The following CAMSAP3 variants were observed in gnomAD, a reference collection of about 807,000 sequenced individuals.
The protein encoded by CAMSAP3 is calmodulin regulated spectrin associated protein family member 3.
A neutral mutation model predicts 112.5 loss-of-function variants in CAMSAP3; 34 were observed. The observed-to-expected ratio is 0.30, with a 90% CI of 0.23 to 0.40. The LOEUF is 0.40. CAMSAP3 is among the 10% of genes least tolerant of loss of function. The pLI is 1.00. For missense variants in CAMSAP3, 1,602 were observed against 1,770.3 expected (o/e 0.90, Z 1.71); for synonymous variants, 868 against 799.8 (o/e 1.09, Z -1.44).
At position 7,617,486 on chromosome 19, in the gene CAMSAP3, C is replaced by T; in HGVS notation, c.3325+48C>T. 2 of 1,608,418 alleles carry T rather than the reference C, an allele frequency of 1.2e-6. No homozygotes were observed. The highest frequency in any genetic ancestry group is 1.7e-6 in the Non-Finnish European group (2 of 1,174,850). On this transcript the variant is annotated intron_variant, in intron 15 of 16. Transcript: ENST00000160298. This position sits in a 1 kb window ranked among gnomAD's most constrained non-coding sequence, Gnocchi z 7.5. Reference sequence around the variant, plus strand: ...GTGAGGAGCAACAGGCACCCTCCTCCACAGCCCCTGCTCATTCCTGCTGCC... The same window carrying T: ...GTGAGGAGCAACAGGCACCCTCCTCTACAGCCCCTGCTCATTCCTGCTGCC...
rs1168714939 is a variant in CAMSAP3 at position 7,612,668 on chromosome 19, G to A, written c.2175G>A (p.Gln725=). Reference sequence around the variant, plus strand: ...TGCAGAGGCTCACGGACCAGCAGCAGCGGCTCCTGGCCCCGCCCGAGGCCC... The same window carrying A: ...TGCAGAGGCTCACGGACCAGCAGCAACGGCTCCTGGCCCCGCCCGAGGCCC... ...RDMQRLTDQQ[Q]RLLAPPEAPG... The change falls in exon 11 of 17, where the codon CAG becomes CAA. Residue 725 remains glutamine, a synonymous_variant. Transcript: ENST00000160298. The A allele has an allele frequency of 6.6e-7, 1 of 1,512,210 alleles. No homozygotes were observed. Among genetic ancestry groups the A allele is most frequent in the African/African-American group, 1.4e-5 (1 of 72,548 alleles). 93.7% of individuals were successfully genotyped at this position (1,512,210 alleles called of 1,614,324 possible).
chr19:7,607,556 G>A lies in CAMSAP3; in HGVS notation c.622-570G>A, dbSNP rs879414656. Among the ~76,000 whole-genome samples the A allele has an allele frequency of 2.0e-5, 3 of 152,042 alleles. No individual in the cohort carries two copies. Among genetic ancestry groups the A allele is most frequent in the Non-Finnish European group, 2.9e-5 (2 of 67,982 alleles). On this transcript the variant is annotated intron_variant, in intron 4 of 16. Coordinates refer to ENST00000160298, the MANE Select transcript of CAMSAP3 (RefSeq NM_020902.2). This position sits in a 1 kb window ranked among gnomAD's most constrained non-coding sequence, Gnocchi z 4.9. ...TGGGAGGTTCCCTTCCTGCCTACCC[G>A]CTTCCTCTGCATCCTCTCCCCAAGC...
chr19:7,610,687 C>T lies in CAMSAP3; in HGVS notation c.901-13C>T. ...CAGGGGTCCCGTCTGCTGACCCGGC[C>T]TCCCACCTCCAGGTCAACTTGGTGG... On this transcript the variant is annotated splice_polypyrimidine_tract_variant and intron_variant, in intron 6 of 16. Transcript: ENST00000160298. The surrounding 1 kb of genome is among the most constrained non-coding windows in gnomAD (Gnocchi z 4.9). 6.2e-7 allele frequency: 1 copy of T among 1,613,952 alleles called. No individual in the cohort carries two copies. The highest frequency in any genetic ancestry group is 8.5e-7 in the Non-Finnish European group (1 of 1,179,970).
Position 7,613,002 on chromosome 19 carries a change from C to A in CAMSAP3, c.2509C>A (p.Pro837Thr). The A allele has an allele frequency of 6.4e-7, 1 of 1,572,072 alleles. No homozygotes were observed. Among genetic ancestry groups the A allele is most frequent in the Non-Finnish European group, 8.6e-7 (1 of 1,161,296 alleles). ...LLAEETPPEE[P>T]AARPGLIEIP... ...GGCGGAGGAGACGCCCCCCGAGGAG[C>A]CAGCCGCCCGGCCGGGCCTCATCGA... Residue 837 changes from proline to threonine, a missense_variant, in exon 11 of 17, where the codon CCA becomes ACA. Transcript: ENST00000160298.
intron 2 of CAMSAP3, 31 bp downstream of exon 2, chr19:7,605,510 C>T (rs1264463529): frequency 2.1e-6 from 3 of 1,441,550 alleles, no homozygotes; most frequent in Non-Finnish European, 2.7e-6. Context: ...TTAGACCACG[C>T]CTACCATGCT....
At position 7,615,535 on chromosome 19, in the gene CAMSAP3, C is replaced by T. The variant is rs747511343; in HGVS notation, c.2928C>T (p.Asp976=). The T allele has an allele frequency of 3.9e-6, 6 of 1,533,292 alleles. No homozygotes were observed. The highest frequency in any genetic ancestry group is 5.3e-6 in the Non-Finnish European group (6 of 1,142,400). The allele number at this position is 1,533,292 out of a possible 1,614,324, so 95.0% of individuals were successfully genotyped here. The change falls in exon 13 of 17, where the codon GAC becomes GAT. Residue 976 remains aspartate (D), a synonymous_variant. Transcript: ENST00000160298. The surrounding 1 kb of genome is among the most constrained non-coding windows in gnomAD (Gnocchi z 6.5). ...AEEEVGPRKG[D]FTRQEYERRA... is the part of the protein sequence containing the mutation. ...AGGAGGTGGGCCCCCGGAAGGGGGA[C>T]TTCACGCGGCAGGAGTACGAGCGCC...
chr19:7,617,264 TCTCTGACCCCAC>T lies in CAMSAP3; in HGVS notation c.3213-58_3213-47del, dbSNP rs1399353177. ...CCTCTGCACATAGGGAAGCTTCCCATCTCTGACCCCACCTCCATCCCATCCTGACCCCACCTC... is the reference window on the plus strand; with the variant it reads ...CCTCTGCACATAGGGAAGCTTCCCATCTCCATCCCATCCTGACCCCACCTC... On this transcript the variant is annotated intron_variant, in intron 14 of 16. Transcript: ENST00000160298. The surrounding 1 kb of genome is among the most constrained non-coding windows in gnomAD (Gnocchi z 7.5). 1 of 1,196,124 alleles carries T rather than the reference TCTCTGACCCCAC, an allele frequency of 8.4e-7. No individual in the cohort carries two copies. Among genetic ancestry groups the T allele is most frequent in the Non-Finnish European group, 1.2e-6 (1 of 801,080 alleles). 74.1% of individuals were successfully genotyped at this position (1,196,124 alleles called of 1,614,324 possible).
At chr19:7,606,153 C>CCCCCCCCCCCCCCAA in intron 2 of CAMSAP3, 118 bp from the exon 3 acceptor site, 1 of 471,770 alleles carries the variant, frequency 2.1e-6, no homozygotes, top group Admixed American at 2.8e-5. Context: ...CCCCTCAAGC[C>CCCCCCCCCCCCCCAA]CCACCCCCCC....
chr19:7,611,391 C>G lies in CAMSAP3; in HGVS notation c.1124-126C>G. The G allele has an allele frequency of 1.0e-6, 1 of 984,288 alleles. No homozygotes were observed. The highest frequency in any genetic ancestry group is 1.5e-6 in the Non-Finnish European group (1 of 664,498). 61.0% of individuals were successfully genotyped at this position (984,288 alleles called of 1,614,324 possible). On this transcript the variant is annotated intron_variant, in intron 9 of 16. Transcript: ENST00000160298. The surrounding 1 kb of genome is among the most constrained non-coding windows in gnomAD (Gnocchi z 6.9). ...ATCTGTTTCTGGAAACCTCTGGTCTCACTAGACCACATAATGAGCCATCAG... is the reference window on the plus strand; with the variant it reads ...ATCTGTTTCTGGAAACCTCTGGTCTGACTAGACCACATAATGAGCCATCAG...
chr19:7,616,951 T>TTTTG (rs1555763699), intron 14 of CAMSAP3, among the ~76,000 whole-genome samples: 4 of 137,244 alleles, frequency 2.9e-5, no homozygotes, highest in Non-Finnish European at 4.7e-5. Flanking sequence ...TTTTTTTTTT[T>TTTTG]TTTTTTTGTT....
chr19:7,610,882 T>G lies in CAMSAP3; in HGVS notation c.1000T>G (p.Ser334Ala). The G allele has an allele frequency of 6.3e-7, 1 of 1,595,748 alleles. No individual in the cohort carries two copies. Among genetic ancestry groups the G allele is most frequent in the South Asian group, 1.1e-5 (1 of 88,676 alleles). Residue 334 changes from serine to alanine, a missense_variant, in exon 8 of 17, where the codon TCC becomes GCC. By Grantham distance (99) the Ser-to-Ala change is moderately conservative (BLOSUM62 1). This residue lies in a region of CAMSAP3 where 1,100 missense variants were observed against 1,135.7 expected (regional missense o/e 0.97). Transcript: ENST00000160298. The surrounding 1 kb of genome is among the most constrained non-coding windows in gnomAD (Gnocchi z 4.9). The stretch of plus-strand genomic sequence containing the variant: ...CCCTCTTCTCTGTACTGCAGCTGCC[T>G]CCCCCCGGGGCACTGAGGCCTCCCC... ...VKDLPDGHAA[S>A]PRGTEASPPQ...
At position 7,610,893 on chromosome 19, in the gene CAMSAP3, C is replaced by T. The variant is rs1486383362; in HGVS notation, c.1011C>T (p.Gly337=). The T allele has an allele frequency of 6.3e-7, 1 of 1,593,574 alleles. No individual in the cohort carries two copies. The highest frequency in any genetic ancestry group is 2.2e-5 in the East Asian group (1 of 44,676). ...GTACTGCAGCTGCCTCCCCCCGGGG[C>T]ACTGAGGCCTCCCCACCTCAGAACA... ...LPDGHAASPR[G]TEASPPQNNS... Residue 337 remains glycine, a synonymous_variant, in exon 8 of 17, where the codon GGC becomes GGT. Coordinates refer to ENST00000160298, the MANE Select transcript of CAMSAP3 (RefSeq NM_020902.2). This position sits in a 1 kb window ranked among gnomAD's most constrained non-coding sequence, Gnocchi z 4.9.
chr19:7,611,056 G>C lies in CAMSAP3; in HGVS notation c.1050-39G>C. The C allele has an allele frequency of 6.2e-7, 1 of 1,611,104 alleles. No homozygotes were observed. The highest frequency in any genetic ancestry group is 8.5e-7 in the Non-Finnish European group (1 of 1,177,722). On this transcript the variant is annotated intron_variant, in intron 8 of 16. Transcript: ENST00000160298. The surrounding 1 kb of genome is among the most constrained non-coding windows in gnomAD (Gnocchi z 6.9). The stretch of plus-strand genomic sequence containing the variant: ...CCCCCCGGGGAGAGGCGGAGGAGGA[G>C]GTGGGGGTCCTGAGGCTGAAGTACG...
intron 1 of CAMSAP3, among the ~76,000 whole-genome samples, chr19:7,598,255 G>A (rs541819720): frequency 3.9e-4 from 60 of 152,296 alleles, no homozygotes; most frequent in African/African-American, 1.3e-3. Context: ...AGTTTGACAC[G>A]GAGAAGAGAT....
At chr19:7,609,259 A>G (rs2030359001) in intron 5 of CAMSAP3, among the ~76,000 whole-genome samples, 1 of 150,158 alleles carries the variant, frequency 6.7e-6, no homozygotes, top group South Asian at 2.1e-4. Context: ...TGGAGGTTGC[A>G]GTGAGTCAAG....
In CAMSAP3 at chr19:7,610,948, G is replaced by C. The variant is rs549720124; in HGVS notation, c.1049+17G>C. The C allele has an allele frequency of 7.5e-5, 118 of 1,578,826 alleles. 3 individuals are homozygous for C. The South Asian group carries it at 1.3e-3, about 18-fold the overall frequency. Reference sequence around the variant, plus strand: ...CGGCAGTAGGTACGCTCCCCACACTGGGCGAGTCTCTGGCATTGTGGGTGT... The same window carrying C: ...CGGCAGTAGGTACGCTCCCCACACTCGGCGAGTCTCTGGCATTGTGGGTGT... On this transcript the variant is annotated intron_variant, in intron 8 of 16. Coordinates refer to ENST00000160298, the MANE Select transcript of CAMSAP3 (RefSeq NM_020902.2). This position sits in a 1 kb window ranked among gnomAD's most constrained non-coding sequence, Gnocchi z 4.9.
rs762876723 is a variant in CAMSAP3, at chr19:7,606,555, C to T, written c.605C>T (p.Ala202Val). ...CCAGCAGCCCCTGCAGACGGGGCGG[C>T]CCCGGCGCAGCCCTCGGTGAGGCCA... ...ASPAAPADGAAPAQPSIRYRK... is the reference protein window; with the variant it reads ...ASPAAPADGAVPAQPSIRYRK... The change falls in exon 4 of 17, where the codon GCC (alanine) becomes GTC (valine). Residue 202 changes from alanine to valine, a missense_variant. Ala to Val is a moderately conservative substitution (Grantham distance 64, BLOSUM62 0). This residue lies in a region of CAMSAP3 where 112 missense variants were observed against 94.2 expected (regional missense o/e 1.19). Coordinates refer to ENST00000160298, the MANE Select transcript of CAMSAP3 (RefSeq NM_020902.2). The T allele has an allele frequency of 2.0e-6, 3 of 1,537,962 alleles. No homozygotes were observed. The highest frequency in any genetic ancestry group is 1.2e-5 in the South Asian group (1 of 84,408).
chr19:7,599,727 C>G, intron 1 of CAMSAP3, among the ~76,000 whole-genome samples: 1 of 110,438 alleles, frequency 9.1e-6, no homozygotes, highest in Non-Finnish European at 1.8e-5. Flanking sequence ...CTCATCCATC[C>G]ACCCACCCCA....
In CAMSAP3 at chr19:7,596,010, A is replaced by C. The variant is rs2146147920; in HGVS notation, c.8A>C (p.Glu3Ala). The C allele has an allele frequency of 2.7e-6, 3 of 1,110,394 alleles. No homozygotes were observed. Among genetic ancestry groups the C allele is most frequent in the Non-Finnish European group, 1.1e-6 (1 of 893,296 alleles). The allele number at this position is 1,110,394 out of a possible 1,614,324, so 68.8% of individuals were successfully genotyped here. A position where few individuals can be genotyped will look rare whatever the true frequency, so the allele number is the denominator to read the frequency against. Residue 3 changes from glutamate to alanine, a missense_variant, in exon 1 of 17, where the codon GAG becomes GCG. Around this residue, in one of 6 missense-constraint regions of CAMSAP3, gnomAD observed 147 missense variants for 144.6 expected, o/e 1.02. Coordinates refer to ENST00000160298, the MANE Select transcript of CAMSAP3 (RefSeq NM_020902.2). The stretch of plus-strand genomic sequence containing the variant: ...CGCAGCCCCGGCGCCGCCATGGTGG[A>C]GGCGGCGCCCCCCGGGCCCGGGCCG... The part of the protein sequence containing the change: MV[E>A]AAPPGPGPLR...
Sources: allele counts gnomAD v4.1 joint callset (sites outside exome capture counted in the v4.1 genomes callset), GRCh38; gene constraint gnomAD v4.1.1; regional missense constraint gnomAD v4.1.1; non-coding constraint Gnocchi (gnomAD v3.1); transcripts MANE v1.5; gene names NCBI Gene and HGNC (gene_info 2026-07-23, HGNC 2026-07-21).